Variants in TENM3 observed in about 807,000 individuals in gnomAD.
TENM3 encodes teneurin-3.
TENM3 carries 63 observed loss-of-function variants against 255.1 expected under a neutral mutation model. The observed-to-expected ratio is 0.25, with a 90% CI of 0.20 to 0.30. The LOEUF is 0.30. TENM3 is among the 10% of genes least tolerant of loss of function. The pLI is 1.00. For missense variants in TENM3, 2,929 were observed against 3,461.1 expected (o/e 0.85, Z 3.86); for synonymous variants, 1,306 against 1,322.3 (o/e 0.99, Z 0.27).
Position 182,281,997 on chromosome 4 carries a change from A to G in TENM3, c.-76+38521A>G, listed in dbSNP as rs192203143. Among the ~76,000 whole-genome samples, 227 of 152,258 alleles carry G rather than the reference A, an allele frequency of 1.5e-3. 1 individual carries two copies. Among genetic ancestry groups the G allele is most frequent in the African/African-American group, 5.0e-3 (209 of 41,554 alleles). ...GTAATCTGCCCGCCTCGGCCTCCCA[A>G]TGTGCTGAGATTACAGGCATGAACC... is the stretch of plus-strand genomic sequence containing the variant. On this transcript the variant is annotated intron_variant, in intron 1 of 27. Transcript: ENST00000511685.
chr4:182,320,926 G>C (rs1763010582), intron 1 of TENM3, among the ~76,000 whole-genome samples: 1 of 152,148 alleles, frequency 6.6e-6, no homozygotes, highest in Non-Finnish European at 1.5e-5. Context: ...GCTTCAATCA[G>C]TTCAGTTTTA....
At chr4:182,163,127 G>A (rs1254588811) in intron 1 of TENM3, among the ~76,000 whole-genome samples, 3 of 152,138 alleles carry the variant, frequency 2.0e-5, no homozygotes, top group Non-Finnish European at 4.4e-5. Context: ...TTATTTCAGA[G>A]TTTCTGGTCC....
chr4:182,124,537 T>G, the TENM3 span, among the ~76,000 whole-genome samples: 1 of 152,118 alleles, frequency 6.6e-6, no homozygotes, highest in African/African-American at 2.4e-5. Flanking sequence ...CTAGAAAGAT[T>G]AAGAAAGAAC....
chr4:181,915,507 A>G, the TENM3 span, among the ~76,000 whole-genome samples: 2 of 152,164 alleles, frequency 1.3e-5, no homozygotes, highest in African/African-American at 2.4e-5. Flanking sequence ...AATATTATAC[A>G]TGCTGTAAAA....
At chr4:182,654,776 T>C (rs1561062009) in intron 6 of TENM3, among the ~76,000 whole-genome samples, 1 of 152,216 alleles carries the variant, frequency 6.6e-6, no homozygotes, top group Non-Finnish European at 1.5e-5. Context: ...AAAGAAATTA[T>C]TCTACATTTA....
intron 1 of TENM3, among the ~76,000 whole-genome samples, chr4:182,160,494 C>T (rs975744086): frequency 2.0e-5 from 3 of 152,110 alleles, no homozygotes; most frequent in African/African-American, 4.8e-5. Context: ...AATTACAAGA[C>T]AAACTTGAAT....
the TENM3 span, among the ~76,000 whole-genome samples, chr4:181,701,304 C>A: frequency 6.6e-6 from 1 of 152,194 alleles, no homozygotes; most frequent in South Asian, 2.1e-4. Context: ...ATGTGATTCG[C>A]AACACTCAGT....
chr4:182,545,856 G>C (rs1250825502), intron 3 of TENM3, among the ~76,000 whole-genome samples: 1 of 151,684 alleles, frequency 6.6e-6, no homozygotes, highest in African/African-American at 2.4e-5. Context: ...CAATTAGGGG[G>C]CTAGAGGTGC....
chr4:182,635,635 A>G (rs1439284530), intron 5 of TENM3, among the ~76,000 whole-genome samples: 4 of 152,230 alleles, frequency 2.6e-5, no homozygotes, highest in Non-Finnish European at 5.9e-5. Flanking sequence ...CATTTAAAAA[A>G]TACATATGTA....
the TENM3 span, among the ~76,000 whole-genome samples, chr4:181,576,816 T>C: frequency 7.8e-5 from 11 of 141,266 alleles, no homozygotes; most frequent in South Asian, 2.3e-4. Context: ...CTTTTCTTTT[T>C]TTTTTTTTTT....
intron 1 of TENM3, among the ~76,000 whole-genome samples, chr4:182,160,148 G>T (rs1036565639): frequency 6.7e-6 from 1 of 149,664 alleles, no homozygotes; most frequent in Non-Finnish European, 1.5e-5. Context: ...GACTACAGGC[G>T]CCCGCCACCA....
the TENM3 span, among the ~76,000 whole-genome samples, chr4:182,104,569 T>C: frequency 7.3e-6 from 1 of 136,922 alleles, no homozygotes; most frequent in South Asian, 2.4e-4. Flanking sequence ...TGGAGTGCAG[T>C]GGCACAAACT....
the TENM3 span, among the ~76,000 whole-genome samples, chr4:182,073,105 T>G: frequency 6.6e-6 from 1 of 152,196 alleles, no homozygotes; most frequent in South Asian, 2.1e-4. Flanking sequence ...TTCACAGTTC[T>G]GCATGGCTGG....
chr4:182,235,861 A>G (rs1756869409), intron 1 of TENM3, among the ~76,000 whole-genome samples: 1 of 152,218 alleles, frequency 6.6e-6, no homozygotes, highest in Admixed American at 6.5e-5. Flanking sequence ...TACCATGTGT[A>G]AGCACTGCTG....
At chr4:182,641,480 T>C (rs1752304584) in intron 5 of TENM3, among the ~76,000 whole-genome samples, 1 of 152,080 alleles carries the variant, frequency 6.6e-6, no homozygotes, top group African/African-American at 2.4e-5. Flanking sequence ...CTTAAGTCAG[T>C]AGCATACATA....
rs1762575961 is a variant in TENM3 at position 182,754,364 on chromosome 4, G to A, written c.4018-21G>A. ...TGTAGTGCAGTAACTTACTAACCAG[G>A]CCATTTCTTTTTTTATTAAGGTACG... On this transcript the variant is annotated intron_variant, in intron 21 of 27. Coordinates refer to ENST00000511685, the MANE Select transcript of TENM3 (RefSeq NM_001080477.4). This position sits in a 1 kb window ranked among gnomAD's most constrained non-coding sequence, Gnocchi z 5.1. 3 of 1,557,360 alleles carry A rather than the reference G, an allele frequency of 1.9e-6. No individual in the cohort carries two copies. The highest frequency in any genetic ancestry group is 1.4e-5 in the African/African-American group (1 of 73,852).
At chr4:181,958,981 A>G in the TENM3 span, among the ~76,000 whole-genome samples, 1 of 152,224 alleles carries the variant, frequency 6.6e-6, no homozygotes, top group Non-Finnish European at 1.5e-5. Flanking sequence ...ATAATACACA[A>G]GTATAATTAT....
intron 3 of TENM3, among the ~76,000 whole-genome samples, chr4:182,553,296 G>A (rs1742245373): frequency 6.7e-6 from 1 of 149,198 alleles, no homozygotes; most frequent in East Asian, 2.0e-4. Flanking sequence ...TTAGAAAATT[G>A]AAATGTTCTC....
chr4:182,741,918 G>GT (rs1285553702), intron 18 of TENM3, among the ~76,000 whole-genome samples: 1 of 152,182 alleles, frequency 6.6e-6, no homozygotes, highest in Non-Finnish European at 1.5e-5. Flanking sequence ...TTATCCCGAA[G>GT]TGGGGGGAAA....
Sources: allele counts gnomAD v4.1 joint callset (sites outside exome capture counted in the v4.1 genomes callset), GRCh38; gene constraint gnomAD v4.1.1; non-coding constraint Gnocchi (gnomAD v3.1); transcripts MANE v1.5; gene names NCBI Gene and HGNC (gene_info 2026-07-23, HGNC 2026-07-21).